Variants in PITRM1 observed in about 807,000 individuals in gnomAD.
PITRM1 encodes presequence protease, mitochondrial.
PITRM1 carries 100 observed loss-of-function variants against 129.9 expected under a neutral mutation model. The ratio of observed to expected loss-of-function variants is 0.77; its 90% CI spans 0.65 to 0.91. The LOEUF (loss-of-function observed/expected upper bound fraction) is 0.91, where lower values mean the gene tolerates loss of function less well. Among genes scored for constraint, PITRM1 ranks in the 40% least tolerant of loss-of-function variants. PITRM1 has a pLI of 0.00. For synonymous variants in PITRM1, 591 were observed against 508.8 expected (o/e 1.16, Z -2.17); for missense variants, 1,471 against 1,318.3 (o/e 1.12, Z -1.79).
chr10:3,160,236 C>T lies in PITRM1; in HGVS notation c.886G>A (p.Val296Met), dbSNP rs779570895. ...SKFQKIEPST[V>M]VPAQTPWDKP... is the part of the protein sequence containing the mutation. ...TCCCAGGGTGTCTGAGCTGGCACCA[C>T]GGTGCTTGGTTCAATTTTCTGGAAT... The change falls in exon 8 of 27, where the codon GTG becomes ATG. Residue 296 changes from valine (V) to methionine (M), a missense_variant. Coordinates refer to ENST00000224949, the MANE Select transcript of PITRM1 (RefSeq NM_014889.4). 25 of 1,613,788 alleles carry T rather than the reference C, an allele frequency of 1.5e-5. No individual in the cohort carries two copies. Among genetic ancestry groups the T allele is most frequent in the Admixed American group, 3.3e-5 (2 of 60,000 alleles).
At position 3,138,018 on chromosome 10, in the gene PITRM1, G is replaced by C. The variant is rs1378217859; in HGVS notation, c.*13C>G. 1.9e-6 allele frequency: 3 copies of C among 1,549,840 alleles called. No homozygotes were observed. The highest frequency in any genetic ancestry group is 2.7e-6 in the Non-Finnish European group (3 of 1,129,750). ...TTGTCTCGGGCTCCTGTGCAGTCGA[G>C]CGCCACGGCTGCTCATTGGATGATC... On this transcript the variant is annotated 3_prime_UTR_variant, in exon 27 of 27. Transcript: ENST00000224949.
At chr10:3,159,076 A>T (rs780566218) in intron 9 of PITRM1, 34 bp from the exon 10 acceptor site, 1 of 1,584,330 alleles carries the variant, frequency 6.3e-7, no homozygotes, top group Non-Finnish European at 8.6e-7. Context: ...GGGAGGTAAG[A>T]AAAGAGTAAA....
intron 16 of PITRM1, 42 bp from the exon 17 acceptor site, chr10:3,148,333 T>C: frequency 6.5e-7 from 1 of 1,541,978 alleles, no homozygotes; most frequent in East Asian, 2.3e-5. Context: ...CAAGTCAGTC[T>C]TTACTGAATC....
Position 3,157,435 on chromosome 10 carries a change from T to G in PITRM1, c.1347A>C (p.Ser449=). The G allele has an allele frequency of 6.3e-7, 1 of 1,585,264 alleles. No individual in the cohort carries two copies. Among genetic ancestry groups the G allele is most frequent in the African/African-American group, 1.4e-5 (1 of 74,016 alleles). The change falls in exon 12 of 27, where the codon TCA becomes TCC. Residue 449 remains serine, a splice_region_variant and synonymous_variant. Coordinates refer to ENST00000224949, the MANE Select transcript of PITRM1 (RefSeq NM_014889.4). Reference sequence around the variant, plus strand: ...ACAAAATTGTTGAGAGATCACTTACTGATGTCAGCATCAGCCCAAAGCTGG... The same window carrying G: ...ACAAAATTGTTGAGAGATCACTTACGGATGTCAGCATCAGCCCAAAGCTGG... ...QSTSFGLMLT[S]YIASCWNHDG...
chr10:3,154,052 C>T (rs997386104), intron 14 of PITRM1, among the ~76,000 whole-genome samples: 11 of 152,200 alleles, frequency 7.2e-5, no homozygotes, highest in African/African-American at 9.7e-5. Flanking sequence ...AACCACACCC[C>T]GACTGGGCCT....
In PITRM1 at chr10:3,157,954, G is replaced by A. The variant is rs543293918; in HGVS notation, c.1250+86C>T. ...TGTTATATGACAGAGAAGGAAGGCC[G>A]AAACAATGGATCAGGCTCAGCTTCT... On this transcript the variant is annotated intron_variant, in intron 11 of 26. Coordinates refer to ENST00000224949, the MANE Select transcript of PITRM1 (RefSeq NM_014889.4). 963 of 825,878 alleles carry A rather than the reference G, an allele frequency of 1.2e-3. 1 individual carries two copies. The highest frequency in any genetic ancestry group is 1.8e-3 in the Admixed American group (94 of 52,578). 51.2% of individuals were successfully genotyped at this position (825,878 alleles called of 1,614,324 possible). A position where few individuals can be genotyped will look rare whatever the true frequency, so the allele number is the denominator to read the frequency against.
In PITRM1 at chr10:3,138,092, A is replaced by G; in HGVS notation, c.3053T>C (p.Leu1018Pro). ...YLGTGKSTHG[L>P]AILGPENPKI... ...CGGGTTCTCGGGTCCGAGGATGGCC[A>G]GGCCGTGTGTGCTCTTCCCAGTGCC... Residue 1018 changes from leucine to proline, a missense_variant, in exon 27 of 27, where the codon CTG (leucine) becomes CCG (proline). Coordinates refer to ENST00000224949, the MANE Select transcript of PITRM1 (RefSeq NM_014889.4). 2 of 1,610,870 alleles carry G rather than the reference A, an allele frequency of 1.2e-6. No homozygotes were observed. Among genetic ancestry groups the G allele is most frequent in the Non-Finnish European group, 1.7e-6 (2 of 1,178,730 alleles).
chr10:3,164,022 TTA>T (rs1842669798), intron 6 of PITRM1, 137 bp from the exon 7 acceptor site: 2 of 434,858 alleles, frequency 4.6e-6, no homozygotes, highest in Non-Finnish European at 7.6e-6. Context: ...TTCTAATGGT[TTA>T]AAAAAAAAAA....
chr10:3,151,411 G>T (rs766299050), intron 14 of PITRM1, 48 bp from the exon 15 acceptor site: 2 of 1,091,504 alleles, frequency 1.8e-6, no homozygotes, highest in Non-Finnish European at 2.8e-6. Flanking sequence ...TAATTAAAAG[G>T]TTTGATGCAA....
chr10:3,138,651 C>T (rs1839852529), intron 25 of PITRM1: 2 of 622,258 alleles, frequency 3.2e-6, no homozygotes, highest in Non-Finnish European at 5.8e-6. Context: ...CCTCCTTCCA[C>T]CCTAAAGAGC....
chr10:3,148,075 A>G lies in PITRM1; in HGVS notation c.1993-12T>C, dbSNP rs756489822. The G allele has an allele frequency of 1.9e-6, 3 of 1,613,774 alleles. 1 individual carries two copies. The South Asian group carries it at 3.3e-5, about 18-fold the overall frequency. ...GAGAAAAGCACACCCTGAACCAAAG[A>G]AAACACAGAAGAAAGGAATTAGGGC... On this transcript the variant is annotated splice_polypyrimidine_tract_variant and intron_variant, in intron 17 of 26. Coordinates refer to ENST00000224949, the MANE Select transcript of PITRM1 (RefSeq NM_014889.4).
At chr10:3,165,732 G>A (rs888462499) in intron 4 of PITRM1, among the ~76,000 whole-genome samples, 3 of 152,130 alleles carry the variant, frequency 2.0e-5, no homozygotes, top group Non-Finnish European at 4.4e-5. Flanking sequence ...CCCGTCTCAG[G>A]ATCTGCACTC....
chr10:3,146,130 C>CA (rs147787251), intron 20 of PITRM1: 2,279 of 166,952 alleles, frequency 0.014, 54 homozygotes, highest in African/African-American at 0.049. Context: ...TTATAAACTG[C>CA]AAAAAAATAC....
intron 15 of PITRM1, among the ~76,000 whole-genome samples, chr10:3,150,239 G>A (rs2132414757): frequency 6.8e-6 from 1 of 146,018 alleles, no homozygotes; most frequent in Non-Finnish European, 1.6e-5. Flanking sequence ...AGCTTCATAT[G>A]TCCCTACCTA....
At chr10:3,158,771 G>A (rs965077064) in intron 10 of PITRM1, 143 bp downstream of exon 10, 30 of 724,586 alleles carry the variant, frequency 4.1e-5, no homozygotes, top group Middle Eastern at 4.0e-4. Flanking sequence ...TTCCTGGTCC[G>A]CCATCTTCCG....
intron 24 of PITRM1, among the ~76,000 whole-genome samples, chr10:3,139,732 G>A (rs1404953829): frequency 6.6e-6 from 1 of 152,302 alleles, no homozygotes; most frequent in Middle Eastern, 3.4e-3. Context: ...GGCGCAATCT[G>A]CTCACTGCAG....
rs1300537424 is a variant in PITRM1 at position 3,145,636 on chromosome 10, C to T, written c.2417G>A (p.Ser806Asn). The change falls in exon 21 of 27, where the codon AGT becomes AAT. Residue 806 changes from serine (S) to asparagine (N), a missense_variant. Ser to Asn is a conservative substitution (Grantham distance 46). Coordinates refer to ENST00000224949, the MANE Select transcript of PITRM1 (RefSeq NM_014889.4). ...VEDFLRSIGRSKKERRPVRPH... is the reference protein window; with the variant it reads ...VEDFLRSIGRNKKERRPVRPH... ...GCGCACAGGCCTCCGTTCCTTTTTA[C>T]TCCGACCGATGCTTCTAAGGAAGTC... 1.3e-6 allele frequency: 2 copies of T among 1,550,204 alleles called. No homozygotes were observed. Among genetic ancestry groups the T allele is most frequent in the East Asian group, 2.4e-5 (1 of 40,952 alleles).
At chr10:3,150,038 A>G (rs1378201108) in intron 15 of PITRM1, among the ~76,000 whole-genome samples, 1 of 152,046 alleles carries the variant, frequency 6.6e-6, no homozygotes, top group African/African-American at 2.4e-5. Flanking sequence ...CCCGTCAACC[A>G]GAGGGAACTC....
chr10:3,155,771 G>T, intron 13 of PITRM1, 42 bp from the exon 14 acceptor site: 1 of 1,608,348 alleles, frequency 6.2e-7, no homozygotes. Context: ...GTGAAAACAA[G>T]ATCTTACTAT....
Sources: allele counts gnomAD v4.1 joint callset (sites outside exome capture counted in the v4.1 genomes callset), GRCh38; gene constraint gnomAD v4.1.1; transcripts MANE v1.5; gene names NCBI Gene and HGNC (gene_info 2026-07-23, HGNC 2026-07-21).